TPH2: variants seen among roughly 807,000 people sequenced by gnomAD.
The protein encoded by TPH2 is tryptophan hydroxylase 2.
In TPH2, 27 loss-of-function variants were observed where a neutral mutation model predicts 59.1. That is an observed-to-expected ratio of 0.46 (90% CI 0.34 to 0.63). The LOEUF (loss-of-function observed/expected upper bound fraction) is 0.63. Among genes scored for constraint, TPH2 ranks in the 30% least tolerant of loss-of-function variants. The pLI is 0.01. For missense variants in TPH2, 523 were observed against 588.3 expected, an observed-to-expected ratio of 0.89 and a Z score of 1.15; for synonymous variants, 220 against 210.5, an observed-to-expected ratio of 1.05 and a Z score of -0.39.
chr12:72,010,321 T>G (rs1873067091), intron 8 of TPH2, among the ~76,000 whole-genome samples: 1 of 152,198 alleles, frequency 6.6e-6, no homozygotes, highest in Non-Finnish European at 1.5e-5. Context: ...TGAGCTCAAC[T>G]GAGCTTAAAT....
chr12:71,969,331 C>T (rs946888854), intron 5 of TPH2, among the ~76,000 whole-genome samples: 1 of 152,104 alleles, frequency 6.6e-6, no homozygotes, highest in Non-Finnish European at 1.5e-5. Context: ...TATCGAAGGC[C>T]TTGAAAAGAC....
intron 5 of TPH2, among the ~76,000 whole-genome samples, chr12:71,959,521 C>A (rs1170408803): frequency 1.3e-5 from 2 of 152,182 alleles, no homozygotes; most frequent in East Asian, 3.9e-4. Flanking sequence ...GCAATTATTG[C>A]AACTTGCAGA....
intron 7 of TPH2, among the ~76,000 whole-genome samples, chr12:71,992,167 C>T (rs957569460): frequency 6.6e-6 from 1 of 152,198 alleles, no homozygotes; most frequent in Non-Finnish European, 1.5e-5. Context: ...TGGCTAAACT[C>T]TCTTCCTACG....
chr12:71,972,579 AT>A lies in TPH2; in HGVS notation c.671del (p.Phe224SerfsTer17). The A allele has an allele frequency of 2.5e-6, 4 of 1,614,166 alleles. No homozygotes were observed. The highest frequency in any genetic ancestry group is 3.4e-6 in the Non-Finnish European group (4 of 1,180,024). ...AAGAAACTAAAACTTGGGGTGTTGT[AT>A]TCCGGGAGCTCTCCAAACTCTATCC... is the stretch of plus-strand genomic sequence containing the variant. ...EEETKTWGVV[F>X]RELSKLYPTH... On this transcript the variant is annotated frameshift_variant, in exon 6 of 11. Coordinates refer to ENST00000333850, the MANE Select transcript of TPH2 (RefSeq NM_173353.4). LOFTEE classifies it high-confidence loss of function.
At chr12:71,979,204 A>G (rs558620901) in intron 7 of TPH2, 117 bp downstream of exon 7, 1 of 1,418,008 alleles carries the variant, frequency 7.1e-7, no homozygotes, top group African/African-American at 1.4e-5. Context: ...AGCTAGTGAG[A>G]GTCACATCAC....
intron 8 of TPH2, among the ~76,000 whole-genome samples, chr12:72,015,706 C>CT (rs1308750036): frequency 1.3e-5 from 2 of 152,178 alleles, no homozygotes; most frequent in East Asian, 3.9e-4. Flanking sequence ...TGAGATTTAT[C>CT]TTTTTGTTAT....
chr12:72,014,257 C>A (rs779673031), intron 8 of TPH2, among the ~76,000 whole-genome samples: 4 of 152,162 alleles, frequency 2.6e-5, no homozygotes, highest in Non-Finnish European at 5.9e-5. Context: ...CATCTTCCAT[C>A]TCGAAGTTTC....
chr12:71,977,577 G>A (rs751943593), intron 6 of TPH2, among the ~76,000 whole-genome samples: 3 of 152,010 alleles, frequency 2.0e-5, no homozygotes, highest in Non-Finnish European at 2.9e-5. Context: ...CTCACTTAAC[G>A]TCATCGATAG....
intron 7 of TPH2, among the ~76,000 whole-genome samples, chr12:71,990,869 T>C (rs1450533917): frequency 6.6e-6 from 1 of 152,226 alleles, no homozygotes; most frequent in Non-Finnish European, 1.5e-5. Context: ...GCATGGTCAT[T>C]TCTACTTATA....
rs767461365 is a variant in TPH2 at position 71,944,338 on chromosome 12, G to A, written c.300G>A (p.Arg100=). 8.1e-6 allele frequency: 13 copies of A among 1,613,694 alleles called. No homozygotes were observed. In the Admixed American group the frequency reaches 1.3e-4, roughly 17 times the overall value. Residue 100 remains arginine (R), a synonymous_variant, in exon 3 of 11, where the codon CGG becomes CGA. Transcript: ENST00000333850. ...TTCATATTGAATCCAGGAAATCTCG[G>A]CGAAGAAGTTCTGAGGTTGAAATCT... The part of the protein sequence containing the change: ...NMVHIESRKS[R]RRSSEVEIFV...
chr12:71,998,474 A>C (rs1475319654), intron 8 of TPH2, among the ~76,000 whole-genome samples: 1 of 152,208 alleles, frequency 6.6e-6, no homozygotes, highest in African/African-American at 2.4e-5. Context: ...AAACAAAGTG[A>C]ATAGAAAATT....
At chr12:71,991,064 T>C (rs1223283632) in intron 7 of TPH2, among the ~76,000 whole-genome samples, 1 of 152,236 alleles carries the variant, frequency 6.6e-6, no homozygotes, top group African/African-American at 2.4e-5. Flanking sequence ...GCAATGGTAT[T>C]AAAGGTTCTT....
intron 4 of TPH2, 132 bp from the exon 5 acceptor site, chr12:71,949,456 A>G (rs921722260): frequency 5.5e-6 from 4 of 725,434 alleles, no homozygotes; most frequent in Non-Finnish European, 9.7e-6. Flanking sequence ...TGTCTGTGTC[A>G]TCAAGATGGC....
At chr12:71,950,551 C>G (rs1871317533) in intron 5 of TPH2, among the ~76,000 whole-genome samples, 1 of 152,114 alleles carries the variant, frequency 6.6e-6, no homozygotes. Flanking sequence ...TAGAAAAATG[C>G]AGTGGTGGTT....
At position 71,960,007 on chromosome 12, in the gene TPH2, T is replaced by C. The variant is rs373116293; in HGVS notation, c.608+10352T>C. Among the ~76,000 whole-genome samples the C allele has an allele frequency of 3.3e-5, 5 of 152,332 alleles. No individual in the cohort carries two copies. The East Asian group carries it at 9.6e-4, about 29-fold the overall frequency. On this transcript the variant is annotated intron_variant, in intron 5 of 10. Coordinates refer to ENST00000333850, the MANE Select transcript of TPH2 (RefSeq NM_173353.4). The stretch of plus-strand genomic sequence containing the variant: ...CTAATTTTATCCCATTCCATTATCT[T>C]CCATTGATTTGCTTTCTCAGGTTTT...
At chr12:71,984,663 G>A (rs981595130) in intron 7 of TPH2, among the ~76,000 whole-genome samples, 1 of 152,166 alleles carries the variant, frequency 6.6e-6, no homozygotes, top group African/African-American at 2.4e-5. Context: ...TGTGAGCTTG[G>A]TGCCAAGCCT....
chr12:71,998,020 C>T (rs1427887908), intron 8 of TPH2, among the ~76,000 whole-genome samples: 1 of 152,022 alleles, frequency 6.6e-6, no homozygotes, highest in Non-Finnish European at 1.5e-5. Context: ...AGTGTCCTTC[C>T]AAGGAGGCCA....
chr12:71,962,069 G>A (rs1195305299), intron 5 of TPH2: 17 of 1,003,252 alleles, frequency 1.7e-5, no homozygotes, highest in Non-Finnish European at 1.9e-5. Context: ...TGGCCTAGGG[G>A]ACTAGCTGAA....
At chr12:72,019,217 G>A (rs184183504) in intron 8 of TPH2, among the ~76,000 whole-genome samples, 6 of 152,204 alleles carry the variant, frequency 3.9e-5, no homozygotes, top group Admixed American at 6.5e-5. Flanking sequence ...AGTCATACTC[G>A]TGTTCACTCA....
Sources: gnomAD v4.1 joint callset for allele counts (sites outside exome capture counted in the v4.1 genomes callset) on GRCh38, gnomAD v4.1.1 for gene constraint, MANE v1.5 for transcripts, NCBI Gene and HGNC (gene_info 2026-07-23, HGNC 2026-07-21) for gene names.